The following BIRC6 variants were observed in gnomAD, a reference collection of about 807,000 sequenced individuals.
BIRC6 encodes dual E2 ubiquitin-conjugating enzyme/E3 ubiquitin-protein ligase BIRC6.
BIRC6 carries 98 observed loss-of-function variants against 503.3 expected under a neutral mutation model. The ratio of observed to expected loss-of-function variants is 0.19; its 90% CI spans 0.17 to 0.23. The LOEUF is 0.23. Ranked by LOEUF, BIRC6 falls within the 10% of genes least tolerant of loss-of-function variation. BIRC6 has a pLI of 1.00. For missense variants in BIRC6, 5,360 were observed against 5,806.0 expected, an observed-to-expected ratio of 0.92 and a Z score of 2.50; for synonymous variants, 2,240 against 2,078.7, an observed-to-expected ratio of 1.08 and a Z score of -2.11.
chr2:32,547,232 C>T (rs2058113430), intron 63 of BIRC6, among the ~76,000 whole-genome samples: 1 of 152,098 alleles, frequency 6.6e-6, no homozygotes, highest in African/African-American at 2.4e-5. Flanking sequence ...TTTCTCAATT[C>T]AATTTTGAGT....
chr2:32,542,521 T>G (rs887725616), intron 61 of BIRC6, among the ~76,000 whole-genome samples: 1 of 152,232 alleles, frequency 6.6e-6, no homozygotes, highest in African/African-American at 2.4e-5. Flanking sequence ...GAGAATATTT[T>G]TCCTTATAGC....
intron 57 of BIRC6, chr2:32,524,665 G>T: frequency 4.7e-6 from 1 of 211,030 alleles, no homozygotes; most frequent in Non-Finnish European, 9.4e-6. Flanking sequence ...ACAGAGATTA[G>T]AACTTAAATA....
At position 32,548,046 on chromosome 2, in the gene BIRC6, A is replaced by G; in HGVS notation, c.12975+32A>G. The stretch of plus-strand genomic sequence containing the variant: ...TTGTAAACTTGATATTGTTCATGAT[A>G]ATGGCTTTTTTTTTGTATTTATTAT... On this transcript the variant is annotated intron_variant, in intron 64 of 73. Transcript: ENST00000421745. 2.0e-6 allele frequency: 3 copies of G among 1,525,662 alleles called. No homozygotes were observed. In the Admixed American group the frequency reaches 7.0e-5, roughly 35 times the overall value. The allele number at this position is 1,525,662 out of a possible 1,614,324, so 94.5% of individuals were successfully genotyped here.
intron 44 of BIRC6, among the ~76,000 whole-genome samples, chr2:32,492,244 T>G (rs1297897236): frequency 6.6e-6 from 1 of 152,102 alleles, no homozygotes; most frequent in Non-Finnish European, 1.5e-5. Context: ...TCTCTATTAA[T>G]TCACTTATTC....
At chr2:32,545,559 A>G (rs2058000889) in intron 62 of BIRC6, 84 bp from the exon 63 acceptor site, 1 of 1,130,438 alleles carries the variant, frequency 8.8e-7, no homozygotes, top group Non-Finnish European at 1.3e-6. Flanking sequence ...TTACAGTGTC[A>G]TTATTAATTT....
intron 17 of BIRC6, 100 bp downstream of exon 17, chr2:32,441,562 A>G: frequency 8.8e-7 from 1 of 1,137,716 alleles, no homozygotes; most frequent in Non-Finnish European, 1.2e-6. Context: ...TTACCTGAAA[A>G]TTTTTTTTGT....
At chr2:32,507,313 C>G (rs1274244474) in intron 50 of BIRC6, among the ~76,000 whole-genome samples, 1 of 152,132 alleles carries the variant, frequency 6.6e-6, no homozygotes, top group Non-Finnish European at 1.5e-5. Context: ...ACCTGTAGTT[C>G]CAACTACTCT....
intron 66 of BIRC6, among the ~76,000 whole-genome samples, chr2:32,592,887 G>T (rs1253791995): frequency 6.6e-6 from 1 of 152,156 alleles, no homozygotes; most frequent in Non-Finnish European, 1.5e-5. Context: ...GAGCCACCAT[G>T]CCCAGCCTAT....
chr2:32,534,604 G>A (rs1235276547), intron 61 of BIRC6, among the ~76,000 whole-genome samples: 10 of 151,154 alleles, frequency 6.6e-5, no homozygotes, highest in Non-Finnish European at 1.0e-4. Context: ...GGTGGTGGAC[G>A]CTTGTAATCC....
At chr2:32,503,820 G>A (rs573762107) in intron 49 of BIRC6, among the ~76,000 whole-genome samples, 1 of 152,098 alleles carries the variant, frequency 6.6e-6, no homozygotes, top group Non-Finnish European at 1.5e-5. Context: ...AGATTCTTCC[G>A]TAAGTTTTCT....
chr2:32,423,566 C>T (rs1445500481), intron 10 of BIRC6, among the ~76,000 whole-genome samples: 1 of 152,132 alleles, frequency 6.6e-6, no homozygotes, highest in Non-Finnish European at 1.5e-5. Flanking sequence ...CCTTTTGTGT[C>T]TGGTTTCTTT....
In BIRC6 at chr2:32,429,183, T is replaced by C. The variant is rs113581247; in HGVS notation, c.2910T>C (p.Cys970=). The change falls in exon 11 of 74, where the codon TGT becomes TGC. Residue 970 remains cysteine, a synonymous_variant. Coordinates refer to ENST00000421745, the MANE Select transcript of BIRC6 (RefSeq NM_016252.4). The part of the protein sequence containing the change: ...ELHFLQIGGT[C]DDIDEADILV... ...ATTTTCTCCAAATTGGAGGAACCTGTGATGATATTGATGAAGCTGATATAC... is the reference window on the plus strand; with the variant it reads ...ATTTTCTCCAAATTGGAGGAACCTGCGATGATATTGATGAAGCTGATATAC... 2 of 1,590,538 alleles carry C rather than the reference T, an allele frequency of 1.3e-6. No homozygotes were observed. The highest frequency in any genetic ancestry group is 2.3e-5 in the South Asian group (2 of 86,910).
chr2:32,581,261 T>C (rs969914734), intron 66 of BIRC6, among the ~76,000 whole-genome samples: 8 of 152,176 alleles, frequency 5.3e-5, no homozygotes, highest in Middle Eastern at 3.2e-3. Flanking sequence ...GGAACACTTA[T>C]ACAACATTAA....
rs2044585173 is a variant in BIRC6, at chr2:32,435,378, G to A, written c.3410-118G>A. On this transcript the variant is annotated intron_variant, in intron 13 of 73. Transcript: ENST00000421745. ...ATCACAGAAGTTCCCAAGTTAACAGGAAATTTTAGATTTTTCAGGCACATA... is the reference window on the plus strand; with the variant it reads ...ATCACAGAAGTTCCCAAGTTAACAGAAAATTTTAGATTTTTCAGGCACATA... The A allele has an allele frequency of 2.6e-6, 3 of 1,144,280 alleles. No individual in the cohort carries two copies. In the African/African-American group the frequency reaches 4.7e-5, roughly 18 times the overall value. The allele number at this position is 1,144,280 out of a possible 1,614,324, so 70.9% of individuals were successfully genotyped here.
intron 23 of BIRC6, among the ~76,000 whole-genome samples, chr2:32,461,074 TCTC>T (rs1558790118): frequency 0.011 from 52 of 4,848 alleles, 2 homozygotes; most frequent in African/African-American, 0.016. Context: ...TCTGTTCTCC[TCTC>T]CTCTCCTCTC....
chr2:32,616,579 AAAAAAAT>A (rs2063260183), intron 73 of BIRC6, among the ~76,000 whole-genome samples: 1 of 141,976 alleles, frequency 7.0e-6, no homozygotes, highest in Admixed American at 7.1e-5. Context: ...AAAAAAAAAA[AAAAAAAT>A]TCTAATGATA....
intron 46 of BIRC6, among the ~76,000 whole-genome samples, chr2:32,501,349 A>G (rs766164409): frequency 5.3e-5 from 8 of 152,192 alleles, no homozygotes; most frequent in Non-Finnish European, 1.0e-4. Context: ...CAGTCATATA[A>G]CAGAACAACT....
At chr2:32,468,852 G>T in intron 29 of BIRC6, 69 bp downstream of exon 29, 1 of 1,179,074 alleles carries the variant, frequency 8.5e-7, no homozygotes, top group Non-Finnish European at 1.2e-6. Flanking sequence ...CATGTTTTAG[G>T]ATCTGTGTCA....
rs1034161414 is a variant in BIRC6 at position 32,545,585 on chromosome 2, ACTTCTTAT to A, written c.12593-57_12593-50del. On this transcript the variant is annotated intron_variant, in intron 62 of 73. Coordinates refer to ENST00000421745, the MANE Select transcript of BIRC6 (RefSeq NM_016252.4). ...TTATTAATTTATGACCCTGTATGTAACTTCTTATGTGTTTTTAACTGTTTTTAATCTTG... is the reference window on the plus strand; with the variant it reads ...TTATTAATTTATGACCCTGTATGTAAGTGTTTTTAACTGTTTTTAATCTTG... 6.4e-5 allele frequency: 90 copies of A among 1,405,552 alleles called. 1 individual carries two copies. The highest frequency in any genetic ancestry group is 5.5e-4 in the Admixed American group (33 of 59,592). The allele number at this position is 1,405,552 out of a possible 1,614,324, so 87.1% of individuals were successfully genotyped here. A position where few individuals can be genotyped will look rare whatever the true frequency, so the allele number is the denominator to read the frequency against.
Sources: allele counts gnomAD v4.1 joint callset (sites outside exome capture counted in the v4.1 genomes callset), GRCh38; gene constraint gnomAD v4.1.1; transcripts MANE v1.5; gene names NCBI Gene and HGNC (gene_info 2026-07-23, HGNC 2026-07-21).